REV3L: variants seen among roughly 807,000 people sequenced by gnomAD.
The protein encoded by REV3L is REV3 like, DNA directed polymerase zeta catalytic subunit.
REV3L carries 69 observed loss-of-function variants against 299.4 expected under a neutral mutation model. That is an observed-to-expected ratio of 0.23 (90% confidence interval 0.19 to 0.28). The LOEUF (loss-of-function observed/expected upper bound fraction) is 0.28, where lower values mean the gene tolerates loss of function less well. Among genes scored for constraint, REV3L ranks in the 10% least tolerant of loss-of-function variants. The pLI is 1.00. For synonymous variants in REV3L, 1,238 were observed against 1,271.4 expected, an observed-to-expected ratio of 0.97 and a Z score of 0.56; for missense variants, 3,128 against 3,693.8, an observed-to-expected ratio of 0.85 and a Z score of 3.97.
rs1414577012 is a variant in REV3L at position 111,373,165 on chromosome 6, C to A, written c.5190G>T (p.Lys1730Asn). ...GATTCTCATTGCTATCTATGGTTGA[C>A]TTCTCAAAAATTTCAGGACTTAAAG... ...SGTLSPEIFE[K>N]STIDSNENRR... The change falls in exon 13 of 32, where the codon AAG (lysine) becomes AAT (asparagine). Residue 1730 changes from lysine to asparagine, a missense_variant. Physicochemically the swap from Lys to Asn is moderately conservative, Grantham distance 94. This residue lies in a region of REV3L where 2,409 missense variants were observed against 2,611.8 expected (regional missense o/e 0.92). Coordinates refer to ENST00000368802, the MANE Select transcript of REV3L (RefSeq NM_001372078.1). 2 of 1,614,004 alleles carry A rather than the reference C, an allele frequency of 1.2e-6. No homozygotes were observed. Among genetic ancestry groups the A allele is most frequent in the Non-Finnish European group, 1.7e-6 (2 of 1,180,004 alleles).
chr6:111,315,970 T>C (rs772828538), intron 26 of REV3L, among the ~76,000 whole-genome samples: 8 of 152,130 alleles, frequency 5.3e-5, no homozygotes, highest in Non-Finnish European at 1.2e-4. Flanking sequence ...CCAGGCACAG[T>C]GGCTCACGCC....
At position 111,303,406 on chromosome 6, in the gene REV3L, G is replaced by A. The variant is rs183090560; in HGVS notation, c.9253-3250C>T. Among the ~76,000 whole-genome samples, 856 of 151,422 alleles carry A rather than the reference G, an allele frequency of 5.7e-3. 11 individuals are homozygous for A. The highest frequency in any genetic ancestry group is 0.02 in the African/African-American group (821 of 41,400). On this transcript the variant is annotated intron_variant, in intron 31 of 31. Coordinates refer to ENST00000368802, the MANE Select transcript of REV3L (RefSeq NM_001372078.1). Reference sequence around the variant, plus strand: ...TTTTGAAATGGAGTCTCACTCTGTTGCCCAGGCTGGAGTGCAGTGGCACAA... The same window carrying A: ...TTTTGAAATGGAGTCTCACTCTGTTACCCAGGCTGGAGTGCAGTGGCACAA...
chr6:111,413,774 C>T (rs1301570095), intron 2 of REV3L, among the ~76,000 whole-genome samples: 1 of 152,078 alleles, frequency 6.6e-6, no homozygotes, highest in Non-Finnish European at 1.5e-5. Context: ...GTATCCAGAT[C>T]TGTAACTCAA....
chr6:111,341,235 A>G (rs1218121166), intron 21 of REV3L, among the ~76,000 whole-genome samples: 11 of 151,946 alleles, frequency 7.2e-5, no homozygotes, highest in African/African-American at 2.7e-4. Flanking sequence ...TTTAATAGAG[A>G]TGGGGTTTCA....
Position 111,429,022 on chromosome 6 carries a change from G to GT in REV3L, c.140-12551dup, listed in dbSNP as rs552848343. On this transcript the variant is annotated intron_variant, in intron 1 of 31. Transcript: ENST00000368802. ...ATGATGTATACAAGTGCTCCAACTT[G>GT]TCTGGCAACAGACATCTTAAGAGAA... Among the ~76,000 whole-genome samples the GT allele has an allele frequency of 2.2e-3, 330 of 152,290 alleles. 1 individual carries two copies. The highest frequency in any genetic ancestry group is 7.5e-3 in the African/African-American group (311 of 41,560).
In REV3L at chr6:111,373,926, T is replaced by G; in HGVS notation, c.4429A>C (p.Arg1477=). 6.2e-7 allele frequency: 1 copy of G among 1,614,136 alleles called. No individual in the cohort carries two copies. The highest frequency in any genetic ancestry group is 8.5e-7 in the Non-Finnish European group (1 of 1,179,978). Residue 1477 remains arginine (R), a synonymous_variant, in exon 13 of 32, where the codon AGG becomes CGG. Transcript: ENST00000368802. ...IKQIAWEQKQ[R]GFILDMSNFK... is the part of the protein sequence containing the mutation. ...TTTGACATATCTAAAATAAAGCCCCTTTGCTTTTGCTCCCATGCTATTTGT... is the reference window on the plus strand; with the variant it reads ...TTTGACATATCTAAAATAAAGCCCCGTTGCTTTTGCTCCCATGCTATTTGT...
intron 1 of REV3L, among the ~76,000 whole-genome samples, chr6:111,421,426 A>T (rs1785335470): frequency 6.6e-6 from 1 of 152,216 alleles, no homozygotes; most frequent in Admixed American, 6.5e-5. Context: ...ACACAATTAC[A>T]TAACTCTGCT....
intron 13 of REV3L, among the ~76,000 whole-genome samples, chr6:111,369,376 A>G (rs973613611): frequency 9.9e-5 from 15 of 151,842 alleles, no homozygotes; most frequent in African/African-American, 2.9e-4. Flanking sequence ...ACCCACTGGG[A>G]AAAAAAATCT....
chr6:111,454,029 T>A (rs1789868901), intron 1 of REV3L, among the ~76,000 whole-genome samples: 1 of 151,972 alleles, frequency 6.6e-6, no homozygotes, highest in Non-Finnish European at 1.5e-5. Flanking sequence ...TGTGCTATGT[T>A]TCCTCCCTTA....
intron 1 of REV3L, among the ~76,000 whole-genome samples, chr6:111,435,078 G>A (rs913406322): frequency 2.0e-5 from 3 of 152,068 alleles, no homozygotes; most frequent in East Asian, 3.8e-4. Context: ...GGTAGCACAC[G>A]CCTATAGTCC....
At chr6:111,387,194 T>TAA (rs1262969536) in intron 9 of REV3L, among the ~76,000 whole-genome samples, 1 of 152,200 alleles carries the variant, frequency 6.6e-6, no homozygotes, top group Non-Finnish European at 1.5e-5. Flanking sequence ...CTATATATTG[T>TAA]ATGGTTTCAC....
At chr6:111,464,901 C>T (rs1791244806) in intron 1 of REV3L, among the ~76,000 whole-genome samples, 1 of 151,832 alleles carries the variant, frequency 6.6e-6, no homozygotes, top group Admixed American at 6.6e-5. Context: ...ACTTGGGAGG[C>T]TGAGGCAGAA....
At chr6:111,399,591 C>T (rs1439774687) in intron 4 of REV3L, among the ~76,000 whole-genome samples, 1 of 152,122 alleles carries the variant, frequency 6.6e-6, no homozygotes, top group East Asian at 1.9e-4. Context: ...TTTTCATGAC[C>T]TTTGCAGTCA....
chr6:111,328,938 G>A (rs1472275028), intron 25 of REV3L, among the ~76,000 whole-genome samples: 4 of 152,004 alleles, frequency 2.6e-5, no homozygotes, highest in African/African-American at 2.4e-5. Flanking sequence ...GCTAGTTTTT[G>A]CATTTTTGGT....
In REV3L at chr6:111,376,475, T is replaced by C; in HGVS notation, c.1880A>G (p.Tyr627Cys). The change falls in exon 13 of 32, where the codon TAC (tyrosine) becomes TGC (cysteine). Residue 627 changes from tyrosine (Y) to cysteine (C), a missense_variant. Tyr to Cys is a radical substitution (Grantham distance 194, BLOSUM62 -2). This residue lies in a region of REV3L where 2,409 missense variants were observed against 2,611.8 expected (regional missense o/e 0.92). Coordinates refer to ENST00000368802, the MANE Select transcript of REV3L (RefSeq NM_001372078.1). ...AACAGTACTGCTTAAAGATCCAGGG[T>C]ATTTCATAGAATAAGTGCTTTCGTT... ...FTNESTYSMKYPGSLSSTVHS... is the reference protein window; with the variant it reads ...FTNESTYSMKCPGSLSSTVHS... The C allele has an allele frequency of 6.2e-7, 1 of 1,613,730 alleles. No individual in the cohort carries two copies. Among genetic ancestry groups the C allele is most frequent in the South Asian group, 1.1e-5 (1 of 91,012 alleles).
chr6:111,387,566 G>A (rs1336799213), intron 9 of REV3L, among the ~76,000 whole-genome samples, 199 bp downstream of exon 9: 1 of 152,124 alleles, frequency 6.6e-6, no homozygotes, highest in East Asian at 1.9e-4. Context: ...ATTATATATG[G>A]TAACAGTTTG....
In REV3L at chr6:111,322,634, T is replaced by C. The variant is rs1272540767; in HGVS notation, c.8286A>G (p.Arg2762=). The C allele has an allele frequency of 6.2e-7, 1 of 1,613,996 alleles. No homozygotes were observed. Among genetic ancestry groups the C allele is most frequent in the Non-Finnish European group, 8.5e-7 (1 of 1,179,996 alleles). ...IVHKARETLE[R]AIKLVNDTKK... ...TGGTATCATTCACCAGTTTAATAGC[T>C]CGTTCCAAGGTCTCTCTGGCTTTGT... The change falls in exon 26 of 32, where the codon CGA becomes CGG. Residue 2762 remains arginine, a synonymous_variant. Coordinates refer to ENST00000368802, the MANE Select transcript of REV3L (RefSeq NM_001372078.1).
intron 1 of REV3L, chr6:111,430,699 A>T (rs1366940235): frequency 1.0e-5 from 16 of 1,541,636 alleles, no homozygotes; most frequent in Non-Finnish European, 9.9e-6. Flanking sequence ...GTCCCAGCAA[A>T]GAAAATAAAA....
intron 5 of REV3L, among the ~76,000 whole-genome samples, chr6:111,391,105 G>A (rs1019160677): frequency 5.5e-5 from 8 of 144,712 alleles, no homozygotes; most frequent in Middle Eastern, 7.3e-3. Flanking sequence ...TCGCTCCATC[G>A]CCCAGGCTGG....
Sources: allele counts gnomAD v4.1 joint callset (sites outside exome capture counted in the v4.1 genomes callset), GRCh38; gene constraint gnomAD v4.1.1; regional missense constraint gnomAD v4.1.1; transcripts MANE v1.5; gene names NCBI Gene and HGNC (gene_info 2026-07-23, HGNC 2026-07-21).